SYNPO: variants seen among roughly 807,000 people sequenced by gnomAD.
SYNPO encodes synaptopodin.
In SYNPO, 19 loss-of-function variants were observed where a neutral mutation model predicts 49.5. The ratio of observed to expected loss-of-function variants is 0.38; its 90% confidence interval spans 0.27 to 0.56. The LOEUF (loss-of-function observed/expected upper bound fraction) is 0.56, where lower values mean the gene tolerates loss of function less well. SYNPO is among the 20% of genes least tolerant of loss of function. The pLI is 0.68. For synonymous variants in SYNPO, 536 were observed against 548.0 expected, an observed-to-expected ratio of 0.98 and a Z score of 0.31; for missense variants, 1,131 against 1,248.3, an observed-to-expected ratio of 0.91 and a Z score of 1.42.
chr5:150,651,529 G>T, intron 2 of SYNPO: 1 of 1,001,592 alleles, frequency 1.0e-6, no homozygotes, highest in African/African-American at 1.7e-5. Context: ...AGATGGCTGT[G>T]AGGGTGACCT....
At chr5:150,612,895 C>G (rs1756887200) in intron 1 of SYNPO, among the ~76,000 whole-genome samples, 1 of 152,162 alleles carries the variant, frequency 6.6e-6, no homozygotes, top group Non-Finnish European at 1.5e-5. Flanking sequence ...TCCTCCAGCT[C>G]AGCCTTTCAA....
chr5:150,652,430 T>C (rs1758423847), intron 2 of SYNPO: 1 of 983,786 alleles, frequency 1.0e-6, no homozygotes, highest in South Asian at 4.7e-5. Flanking sequence ...GTGGGCCTGC[T>C]CAATTACTGT....
chr5:150,597,096 G>T (rs1756439073), upstream of SYNPO, among the ~76,000 whole-genome samples: 1 of 152,238 alleles, frequency 6.6e-6, no homozygotes, highest in Non-Finnish European at 1.5e-5. Flanking sequence ...CTTCTGCTAA[G>T]TTGGCTAGTG....
At chr5:150,650,961 G>T (rs961014678) in intron 2 of SYNPO, 26 of 1,254,208 alleles carry the variant, frequency 2.1e-5, no homozygotes, top group Non-Finnish European at 2.6e-5. Flanking sequence ...TGCTGGCTGC[G>T]GACTCGGCCC....
chr5:150,601,598 C>A (rs767646710), intron 1 of SYNPO, among the ~76,000 whole-genome samples: 1 of 152,180 alleles, frequency 6.6e-6, no homozygotes, highest in Non-Finnish European at 1.5e-5. Context: ...TGTGCACACG[C>A]GAGAGCCTGT....
At chr5:150,618,660 C>T in exon 2 of SYNPO, 2 of 1,551,116 alleles carry the variant, frequency 1.3e-6, no homozygotes, top group Non-Finnish European at 1.7e-6. Flanking sequence ...CAAGGGGCGT[C>T]CCAGCACGAC....
At chr5:150,624,807 G>C (rs1279833766) in intron 2 of SYNPO, 2 of 965,870 alleles carry the variant, frequency 2.1e-6, no homozygotes, top group Non-Finnish European at 2.5e-6. Flanking sequence ...GCGCGGGGCG[G>C]GGGTGGCGGG....
chr5:150,599,930 A>C (rs1051882045), upstream of SYNPO, among the ~76,000 whole-genome samples: 2 of 152,204 alleles, frequency 1.3e-5, no homozygotes, highest in Admixed American at 6.5e-5. Context: ...CCACCTCCGG[A>C]GAATGAATAG....
intron 2 of SYNPO, among the ~76,000 whole-genome samples, chr5:150,628,774 G>A (rs951826177): frequency 2.0e-5 from 3 of 152,172 alleles, no homozygotes; most frequent in African/African-American, 7.2e-5. Context: ...CAGGAATGGT[G>A]GTGCATGCCT....
chr5:150,599,880 T>C (rs1756490593), upstream of SYNPO, among the ~76,000 whole-genome samples: 1 of 152,122 alleles, frequency 6.6e-6, no homozygotes, highest in African/African-American at 2.4e-5. Flanking sequence ...AGGCAGTTGA[T>C]GAGAAGGGAT....
upstream of SYNPO, among the ~76,000 whole-genome samples, chr5:150,640,450 C>T (rs983856165): frequency 7.2e-5 from 11 of 152,232 alleles, no homozygotes; most frequent in East Asian, 1.9e-4. Context: ...GGGCAGGCCC[C>T]GATAGCAGGG....
chr5:150,627,890 G>A (rs1002537556), intron 2 of SYNPO, among the ~76,000 whole-genome samples: 1 of 152,258 alleles, frequency 6.6e-6, no homozygotes, highest in East Asian at 1.9e-4. Flanking sequence ...GGGTGGGGGT[G>A]TTGGTTGCAT....
rs1246603554 is a variant in SYNPO at position 150,649,596 on chromosome 5, A to G, written c.1321A>G (p.Ser441Gly). Residue 441 changes from serine to glycine, a missense_variant, in exon 2 of 3, where the codon AGC becomes GGC. This residue lies in a region of SYNPO where 602 missense variants were observed against 720.7 expected (regional missense o/e 0.84). Coordinates refer to ENST00000307662, the MANE Select transcript of SYNPO (RefSeq NM_007286.6). ...QQEPAPRDRA[S>G]PAAAEEVVPE... ...GGAGCCAGCACCTCGTGACAGGGCC[A>G]GCCCCGCGGCGGCGGAGGAGGTGGT... 1.2e-6 allele frequency: 2 copies of G among 1,610,174 alleles called. No homozygotes were observed. The highest frequency in any genetic ancestry group is 2.2e-5 in the East Asian group (1 of 44,838).
chr5:150,592,803 A>C, the SYNPO span, among the ~76,000 whole-genome samples: 1 of 152,172 alleles, frequency 6.6e-6, no homozygotes, highest in Admixed American at 6.5e-5. Context: ...TGTTTGCCCA[A>C]ATCACACCCT....
intron 2 of SYNPO, among the ~76,000 whole-genome samples, chr5:150,627,937 C>T (rs1229794743): frequency 2.0e-5 from 3 of 152,024 alleles, no homozygotes; most frequent in Non-Finnish European, 2.9e-5. Context: ...AAAGGAGCTC[C>T]ACCTGAGATC....
intron 1 of SYNPO, among the ~76,000 whole-genome samples, chr5:150,613,460 A>G (rs1457197677): frequency 6.6e-6 from 1 of 151,974 alleles, no homozygotes; most frequent in Non-Finnish European, 1.5e-5. Context: ...GATGATCTTT[A>G]CCCCAGGAAA....
In SYNPO at chr5:150,648,494, T is replaced by A. The variant is rs370579156; in HGVS notation, c.219T>A (p.Leu73=). The change falls in exon 2 of 3, where the codon CTT becomes CTA. Residue 73 remains leucine (L), a synonymous_variant. Coordinates refer to ENST00000307662, the MANE Select transcript of SYNPO (RefSeq NM_007286.6). This position sits in a 1 kb window ranked among gnomAD's most constrained non-coding sequence, Gnocchi z 5.0. ...HSPAADVNQN[L]ASPSATLTTP... is the part of the protein sequence containing the mutation. ...CAGCTGCAGATGTCAACCAAAACCT[T>A]GCCTCGCCCAGTGCCACGCTCACCA... 1.4e-4 allele frequency: 218 copies of A among 1,613,922 alleles called. No homozygotes were observed. Among genetic ancestry groups the A allele is most frequent in the Non-Finnish European group, 1.7e-4 (202 of 1,179,982 alleles).
At chr5:150,647,897 G>T in intron 1 of SYNPO, 47 bp from the exon 2 acceptor site, 1 of 1,516,714 alleles carries the variant, frequency 6.6e-7, no homozygotes, top group Non-Finnish European at 8.9e-7. Flanking sequence ...GCACCCCTGT[G>T]TCACTGCATT....
In SYNPO at chr5:150,656,429, C is replaced by T; in HGVS notation, c.2054C>T (p.Ser685Phe). 6.5e-7 allele frequency: 1 copy of T among 1,532,006 alleles called. No homozygotes were observed. Among genetic ancestry groups the T allele is most frequent in the Non-Finnish European group, 8.7e-7 (1 of 1,145,272 alleles). The allele number at this position is 1,532,006 out of a possible 1,614,324, so 94.9% of individuals were successfully genotyped here. ...AQDRRESLPT[S>F]PPWTPGASRP... ...GACCGCCGGGAGAGCCTGCCCACCT[C>T]CCCACCCTGGACGCCGGGCGCGTCC... Residue 685 changes from serine (S) to phenylalanine (F), a missense_variant, in exon 3 of 3, where the codon TCC becomes TTC. Ser to Phe is a radical substitution (Grantham distance 155). Transcript: ENST00000307662.
Sources: allele counts gnomAD v4.1 joint callset (sites outside exome capture counted in the v4.1 genomes callset), GRCh38; gene constraint gnomAD v4.1.1; regional missense constraint gnomAD v4.1.1; non-coding constraint Gnocchi (gnomAD v3.1); transcripts MANE v1.5; gene names NCBI Gene and HGNC (gene_info 2026-07-23, HGNC 2026-07-21).